RPS6KC1: variants seen among roughly 807,000 people sequenced by gnomAD.
RPS6KC1 encodes ribosomal protein S6 kinase C1, also known as inactive ribosomal protein S6 kinase delta-1.
A neutral mutation model predicts 103.8 loss-of-function variants in RPS6KC1; 54 were observed. The ratio of observed to expected loss-of-function variants is 0.52; its 90% confidence interval spans 0.42 to 0.65. The LOEUF is 0.65. RPS6KC1 is among the 30% of genes least tolerant of loss of function. RPS6KC1 has a pLI of 0.00. For missense variants in RPS6KC1, 1,151 were observed against 1,253.8 expected, an observed-to-expected ratio of 0.92 and a Z score of 1.24; for synonymous variants, 439 against 438.7, an observed-to-expected ratio of 1.00 and a Z score of -0.01.
chr1:213,300,884 TCACCCTCCCAGGGCTTGC>T, the RPS6KC1 span, among the ~76,000 whole-genome samples: 1 of 152,150 alleles, frequency 6.6e-6, no homozygotes, highest in Non-Finnish European at 1.5e-5. Flanking sequence ...ATGCAAAGAA[TCACCCTCCCAGGGCTTGC>T]TGGGTTGGGA....
At chr1:213,195,846 GTA>G (rs1553373507) in intron 8 of RPS6KC1, among the ~76,000 whole-genome samples, 59 of 150,494 alleles carry the variant, frequency 3.9e-4, no homozygotes, top group South Asian at 1.0e-3. Context: ...GTGTGTGTGT[GTA>G]TATATATACC....
the RPS6KC1 span, among the ~76,000 whole-genome samples, chr1:213,528,708 G>A: frequency 2.6e-5 from 4 of 152,108 alleles, no homozygotes; most frequent in African/African-American, 9.7e-5. Context: ...CTCAGATCCT[G>A]CCAGCCCTGA....
At chr1:213,433,620 C>T in the RPS6KC1 span, among the ~76,000 whole-genome samples, 2 of 152,288 alleles carry the variant, frequency 1.3e-5, no homozygotes, top group South Asian at 2.1e-4. Flanking sequence ...CCAGTTGCTG[C>T]GTATTCTCAC....
At chr1:213,653,447 A>G in the RPS6KC1 span, among the ~76,000 whole-genome samples, 1 of 148,554 alleles carries the variant, frequency 6.7e-6, no homozygotes, top group South Asian at 2.1e-4. Context: ...GTGACAGAGA[A>G]AGATCCTGTC....
the RPS6KC1 span, among the ~76,000 whole-genome samples, chr1:213,398,337 G>A: frequency 2.6e-5 from 4 of 151,720 alleles, no homozygotes; most frequent in East Asian, 1.9e-4. Flanking sequence ...GTGAGCCACC[G>A]TGCCTGGCCT....
chr1:213,189,704 T>C (rs1458876752), intron 8 of RPS6KC1, among the ~76,000 whole-genome samples: 1 of 152,200 alleles, frequency 6.6e-6, no homozygotes, highest in African/African-American at 2.4e-5. Context: ...TAAGTTGTTA[T>C]TGACTATAGT....
At chr1:213,229,367 G>A (rs992397781) in intron 8 of RPS6KC1, among the ~76,000 whole-genome samples, 2 of 151,442 alleles carry the variant, frequency 1.3e-5, no homozygotes, top group Admixed American at 6.6e-5. Flanking sequence ...TCCTTACCCA[G>A]TGGTGGGCTG....
At chr1:213,798,999 C>T in the RPS6KC1 span, among the ~76,000 whole-genome samples, 1 of 152,202 alleles carries the variant, frequency 6.6e-6, no homozygotes, top group East Asian at 1.9e-4. Context: ...TCTAATCTGA[C>T]CTCAACTAGT....
the RPS6KC1 span, among the ~76,000 whole-genome samples, chr1:213,446,720 G>C: frequency 6.6e-6 from 1 of 152,204 alleles, no homozygotes; most frequent in South Asian, 2.1e-4. Flanking sequence ...GATGAAGTCA[G>C]ATACTGTGCA....
chr1:213,671,430 AG>A, the RPS6KC1 span, among the ~76,000 whole-genome samples: 9 of 152,204 alleles, frequency 5.9e-5, no homozygotes, highest in African/African-American at 2.2e-4. Context: ...TCAGTTACAC[AG>A]GAGGAGTTTT....
chr1:213,848,841 T>C, the RPS6KC1 span, among the ~76,000 whole-genome samples: 1 of 152,156 alleles, frequency 6.6e-6, no homozygotes, highest in Non-Finnish European at 1.5e-5. Flanking sequence ...GTCTTAATTG[T>C]AGTTCCTTTC....
chr1:213,096,522 G>A (rs968286310), intron 3 of RPS6KC1, among the ~76,000 whole-genome samples: 1 of 152,002 alleles, frequency 6.6e-6, no homozygotes, highest in East Asian at 1.9e-4. Flanking sequence ...AAAATTAGCC[G>A]GACATGGTGG....
chr1:213,703,065 T>G, the RPS6KC1 span, among the ~76,000 whole-genome samples: 1 of 152,158 alleles, frequency 6.6e-6, no homozygotes, highest in Non-Finnish European at 1.5e-5. Context: ...GGTGATATGA[T>G]TTAGTTTCTT....
At chr1:213,784,381 T>C in the RPS6KC1 span, among the ~76,000 whole-genome samples, 101 of 152,318 alleles carry the variant, frequency 6.6e-4, no homozygotes, top group African/African-American at 2.3e-3. Context: ...ACCTTAGAGA[T>C]TACCCAATCC....
intron 6 of RPS6KC1, among the ~76,000 whole-genome samples, chr1:213,132,010 A>C (rs978281585): frequency 5.9e-5 from 9 of 152,212 alleles, no homozygotes; most frequent in Non-Finnish European, 4.4e-5. Context: ...ACATTTCATA[A>C]TGTTACCACT....
chr1:213,257,077 C>T (rs1157790141), intron 12 of RPS6KC1, among the ~76,000 whole-genome samples: 1 of 152,180 alleles, frequency 6.6e-6, no homozygotes, highest in Admixed American at 6.5e-5. Flanking sequence ...ACTCCATCCC[C>T]TCCCCACATA....
At chr1:213,742,243 G>A in the RPS6KC1 span, among the ~76,000 whole-genome samples, 1 of 152,238 alleles carries the variant, frequency 6.6e-6, no homozygotes, top group Non-Finnish European at 1.5e-5. Flanking sequence ...TCTGATTCTG[G>A]TGGGTATAAT....
chr1:213,088,512 A>T (rs557017342), intron 3 of RPS6KC1, among the ~76,000 whole-genome samples: 20 of 151,990 alleles, frequency 1.3e-4, no homozygotes, highest in Non-Finnish European at 2.9e-4. Flanking sequence ...ACAGGCTACC[A>T]TGCCCAACTA....
the RPS6KC1 span, chr1:213,428,833 A>G: frequency 6.5e-6 from 1 of 154,948 alleles, no homozygotes; most frequent in African/African-American, 2.4e-5. Flanking sequence ...TGGACACAGT[A>G]TGAGACACTC....
Sources: allele counts gnomAD v4.1 joint callset (sites outside exome capture counted in the v4.1 genomes callset), GRCh38; gene constraint gnomAD v4.1.1; transcripts MANE v1.5; gene names NCBI Gene and HGNC (gene_info 2026-07-23, HGNC 2026-07-21).